The following BBS5 variants were observed in gnomAD, a reference collection of about 807,000 sequenced individuals.
The protein encoded by BBS5 is Bardet-Biedl syndrome 5.
In BBS5, 39 loss-of-function variants were observed where a neutral mutation model predicts 50.2. The observed-to-expected ratio is 0.78, with a 90% CI of 0.60 to 1.01. BBS5 has a LOEUF of 1.01. BBS5 is among the 50% of genes least tolerant of loss of function. The pLI is 0.00. For synonymous variants in BBS5, 134 were observed against 133.1 expected, an observed-to-expected ratio of 1.01 and a Z score of -0.05; for missense variants, 356 against 401.5, an observed-to-expected ratio of 0.89 and a Z score of 0.97.
chr2:169,494,588 A>T (rs761450066), intron 7 of BBS5, among the ~76,000 whole-genome samples: 6 of 152,082 alleles, frequency 3.9e-5, no homozygotes, highest in Non-Finnish European at 8.8e-5. Flanking sequence ...ATTCAAAATA[A>T]GAACTGACTA....
At chr2:169,489,287 C>G (rs1179372041) in intron 5 of BBS5, among the ~76,000 whole-genome samples, 1 of 151,800 alleles carries the variant, frequency 6.6e-6, no homozygotes, top group Non-Finnish European at 1.5e-5. Context: ...GTGGTGAAAC[C>G]CTGCCTCTAC....
chr2:169,493,887 T>A, intron 7 of BBS5, 51 bp downstream of exon 7: 2 of 1,298,308 alleles, frequency 1.5e-6, no homozygotes, highest in Non-Finnish European at 2.2e-6. Flanking sequence ...TAAATATTTT[T>A]TGTTCAATAG....
intron 9 of BBS5, among the ~76,000 whole-genome samples, chr2:169,500,965 T>G (rs1683790851): frequency 6.6e-6 from 1 of 152,238 alleles, no homozygotes; most frequent in African/African-American, 2.4e-5. Flanking sequence ...CCTTGACATA[T>G]TCTTTCAGCT....
In BBS5 at chr2:169,500,534, C is replaced by T. The variant is rs1467119731; in HGVS notation, c.816+914C>T. Among the ~76,000 whole-genome samples, 3 of 152,228 alleles carry T rather than the reference C, an allele frequency of 2.0e-5. No individual in the cohort carries two copies. In the East Asian group the frequency reaches 5.8e-4, roughly 29 times the overall value. ...CTTTTACTGGCACCCTCATTATGCA[C>T]TCTATTGTTGGTGCCCTTGCCGTTT... On this transcript the variant is annotated intron_variant, in intron 9 of 11. Transcript: ENST00000295240.
Position 169,493,755 on chromosome 2 carries a change from C to CT in BBS5, c.543dup (p.Ile182TyrfsTer14). On this transcript the variant is annotated frameshift_variant, in exon 7 of 12. Transcript: ENST00000295240. LOFTEE classifies it high-confidence loss of function. ...GTTTTTTACAGGGCAATTTAGGAACCTTTTTTATTACCAATGTGAGAATTG... is the reference window on the plus strand; with the variant it reads ...GTTTTTTACAGGGCAATTTAGGAACCTTTTTTTATTACCAATGTGAGAATTG... The CT allele has an allele frequency of 6.2e-7, 1 of 1,611,746 alleles. No individual in the cohort carries two copies. The highest frequency in any genetic ancestry group is 8.5e-7 in the Non-Finnish European group (1 of 1,178,092).
At chr2:169,499,197 A>C in intron 8 of BBS5, 2 of 352,594 alleles carry the variant, frequency 5.7e-6, no homozygotes, top group Admixed American at 4.5e-5. Context: ...ACTTCAAAAT[A>C]AGCCTGCGTT....
intron 2 of BBS5, among the ~76,000 whole-genome samples, chr2:169,486,844 A>T (rs779915334): frequency 1.3e-5 from 2 of 152,184 alleles, no homozygotes; most frequent in African/African-American, 4.8e-5. Flanking sequence ...GGCAGAGAAC[A>T]TCTGTATCCC....
chr2:169,484,159 G>A (rs775476390), intron 2 of BBS5, among the ~76,000 whole-genome samples: 2 of 152,264 alleles, frequency 1.3e-5, no homozygotes, highest in South Asian at 2.1e-4. Flanking sequence ...AAGGTGGGAG[G>A]ACTGCTTAAG....
chr2:169,497,945 G>A (rs983374724), intron 8 of BBS5, among the ~76,000 whole-genome samples: 4 of 152,112 alleles, frequency 2.6e-5, no homozygotes, highest in East Asian at 1.9e-4. Context: ...TCATTGTGCC[G>A]AGGGCTTTTC....
intron 2 of BBS5, among the ~76,000 whole-genome samples, chr2:169,482,924 C>T (rs576598892): frequency 6.6e-6 from 1 of 152,168 alleles, no homozygotes; most frequent in East Asian, 1.9e-4. Flanking sequence ...GTCCAGGCTG[C>T]CCATAGCAGC....
intron 9 of BBS5, among the ~76,000 whole-genome samples, 169 bp from the exon 10 acceptor site, chr2:169,502,926 G>T (rs1020065678): frequency 2.6e-5 from 4 of 152,062 alleles, no homozygotes; most frequent in African/African-American, 9.7e-5. Context: ...GAAAGTTTAG[G>T]TTTAATTGAT....
At chr2:169,487,913 A>G in intron 4 of BBS5, 58 bp downstream of exon 4, 1 of 1,587,934 alleles carries the variant, frequency 6.3e-7, no homozygotes, top group Non-Finnish European at 8.6e-7. Context: ...GATATTTGAG[A>G]TTGATGTTTG....
At chr2:169,493,654 C>A in intron 6 of BBS5, 87 bp from the exon 7 acceptor site, 2 of 921,040 alleles carry the variant, frequency 2.2e-6, no homozygotes, top group Non-Finnish European at 3.6e-6. Context: ...TTATTTGCTG[C>A]TGTAATAAGT....
intron 5 of BBS5, among the ~76,000 whole-genome samples, chr2:169,491,287 T>C (rs1470900583): frequency 6.6e-6 from 1 of 152,198 alleles, no homozygotes; most frequent in Non-Finnish European, 1.5e-5. Context: ...TTAAAAACAC[T>C]ATGTGCTTCC....
At chr2:169,485,429 C>T (rs959796382) in intron 2 of BBS5, among the ~76,000 whole-genome samples, 2 of 152,116 alleles carry the variant, frequency 1.3e-5, no homozygotes, top group African/African-American at 4.8e-5. Flanking sequence ...TTTACTTTTC[C>T]AAGGTCACGT....
intron 10 of BBS5, 48 bp from the exon 11 acceptor site, chr2:169,504,255 G>A (rs72885849): frequency 1.0e-5 from 16 of 1,556,100 alleles, no homozygotes; most frequent in African/African-American, 2.7e-5. Flanking sequence ...TGATCTATTC[G>A]AATATTATAT....
At chr2:169,494,356 A>G (rs1683656494) in intron 7 of BBS5, among the ~76,000 whole-genome samples, 1 of 152,224 alleles carries the variant, frequency 6.6e-6, no homozygotes, top group South Asian at 2.1e-4. Flanking sequence ...GATTCATACC[A>G]CAGGTTTAGT....
In BBS5 at chr2:169,506,263, G is replaced by GA. The variant is rs1277466650; in HGVS notation, c.*1682dup. ...CCGGCCGCCCCTACTGGGAAGTGAG[G>GA]AGCCCCTCTGCCCGGCCACCACCCC... On this transcript the variant is annotated 3_prime_UTR_variant, in exon 12 of 12. Transcript: ENST00000295240. 1 of 165,208 alleles carries GA rather than the reference G, an allele frequency of 6.1e-6. No individual in the cohort carries two copies. The highest frequency in any genetic ancestry group is 1.8e-4 in the East Asian group (1 of 5,656). 10.2% of individuals were successfully genotyped at this position (165,208 alleles called of 1,614,324 possible). A position where few individuals can be genotyped will look rare whatever the true frequency, so the allele number is the denominator to read the frequency against.
chr2:169,503,744 T>C (rs1574344894), intron 10 of BBS5, among the ~76,000 whole-genome samples: 1 of 152,246 alleles, frequency 6.6e-6, no homozygotes, highest in African/African-American at 2.4e-5. Flanking sequence ...ATCATTTAAC[T>C]TATAGCCAAA....
Sources: gnomAD v4.1 joint callset for allele counts (sites outside exome capture counted in the v4.1 genomes callset) on GRCh38, gnomAD v4.1.1 for gene constraint, MANE v1.5 for transcripts, NCBI Gene and HGNC (gene_info 2026-07-23, HGNC 2026-07-21) for gene names.